SYNE2: variants seen among roughly 807,000 people sequenced by gnomAD.
SYNE2 encodes spectrin repeat containing nuclear envelope protein 2, also known as nesprin-2.
SYNE2 carries 431 observed loss-of-function variants against 856.3 expected under a neutral mutation model. The ratio of observed to expected loss-of-function variants is 0.50; its 90% CI spans 0.47 to 0.55. The LOEUF is 0.55. Ranked by LOEUF, SYNE2 falls within the 20% of genes least tolerant of loss-of-function variation. SYNE2 has a pLI of 0.00. For missense variants in SYNE2, 8,129 were observed against 8,023.2 expected (o/e 1.01, Z -0.50); for synonymous variants, 2,923 against 2,872.3 (o/e 1.02, Z -0.56).
At chr14:63,849,270 T>A (rs1307859879), upstream of SYNE2, among the ~76,000 whole-genome samples, 1 of 143,870 alleles carries the variant, frequency 7.0e-6, no homozygotes, top group Non-Finnish European at 1.5e-5. Context: ...ATCTCCTTTT[T>A]TTTTTTTTTT....
intron 78 of SYNE2, 72 bp downstream of exon 78, chr14:64,134,272 G>C: frequency 1.3e-6 from 2 of 1,523,878 alleles, no homozygotes; most frequent in Admixed American, 3.3e-5. Context: ...TTTTGACTAA[G>C]TGGCTTGATT....
chr14:63,908,864 T>C (rs1276846488), intron 1 of SYNE2, among the ~76,000 whole-genome samples: 7 of 152,230 alleles, frequency 4.6e-5, no homozygotes, highest in African/African-American at 1.4e-4. Flanking sequence ...CTAGTTCTTC[T>C]GGAGTTCTGA....
In SYNE2 at chr14:63,780,837, T is replaced by C. The variant is rs116692567; in HGVS notation, c.-305+18851T>C. ...GTTGTTCTAGAACAGGGAACACTTATCTGTAGTGAAAAAATCAGGACAGAG... is the reference window on the plus strand; with the variant it reads ...GTTGTTCTAGAACAGGGAACACTTACCTGTAGTGAAAAAATCAGGACAGAG... On this transcript the variant is annotated intron_variant, in intron 1 of 23. Coordinates refer to the SYNE2 transcript ENST00000674003. Among the ~76,000 whole-genome samples, 524 of 152,268 alleles carry C rather than the reference T, an allele frequency of 3.4e-3. 2 individuals are homozygous for C. Among genetic ancestry groups the C allele is most frequent in the African/African-American group, 0.012 (489 of 41,552 alleles).
Position 64,175,182 on chromosome 14 carries a change from G to A in SYNE2, c.17430+44G>A, listed in dbSNP as rs756753142. The A allele has an allele frequency of 5.6e-6, 9 of 1,604,192 alleles. No homozygotes were observed. The South Asian group carries it at 9.9e-5, about 18-fold the overall frequency. On this transcript the variant is annotated intron_variant, in intron 95 of 115. Coordinates refer to ENST00000555002, the MANE Select transcript of SYNE2 (RefSeq NM_182914.3). ...TTTCCATTCATGATATTCAAATTCA[G>A]TACATAGATTTTCATTTGTGGTGTG...
chr14:63,865,343 G>A (rs1285854891), intron 1 of SYNE2, among the ~76,000 whole-genome samples: 7 of 137,872 alleles, frequency 5.1e-5, no homozygotes, highest in Non-Finnish European at 1.1e-4. Context: ...TGAAGTACAA[G>A]CAAGGTGCTG....
At chr14:63,975,406 C>T (rs539605947) in intron 11 of SYNE2, among the ~76,000 whole-genome samples, 1 of 152,264 alleles carries the variant, frequency 6.6e-6, no homozygotes, top group Non-Finnish European at 1.5e-5. Flanking sequence ...GATCATGGCT[C>T]ACTGTAGCCT....
At chr14:63,939,815 GA>G (rs2095881276) in intron 2 of SYNE2, among the ~76,000 whole-genome samples, 1 of 152,264 alleles carries the variant, frequency 6.6e-6, no homozygotes, top group South Asian at 2.1e-4. Flanking sequence ...CCCCATAACA[GA>G]AACAGGATTT....
intron 96 of SYNE2, 143 bp downstream of exon 96, chr14:64,177,626 T>C: frequency 9.2e-7 from 1 of 1,086,712 alleles, no homozygotes; most frequent in Non-Finnish European, 1.4e-6. Flanking sequence ...TAACATAACA[T>C]GCTCGTCTCT....
chr14:64,177,377 A>T lies in SYNE2; in HGVS notation c.17450A>T (p.Lys5817Met), dbSNP rs761241884. ...AAATAGACCTGGGACCAGTGTGAAA[A>T]GAAAATCAAGGAGTTGAAAAGCAGG... ...STVETWDQCEKKIKELKSRLQ... is the reference protein window; with the variant it reads ...STVETWDQCEMKIKELKSRLQ... The change falls in exon 96 of 116, where the codon AAG (lysine) becomes ATG (methionine). Residue 5817 changes from lysine (K) to methionine (M), a missense_variant. Transcript: ENST00000555002. 5.6e-6 allele frequency: 9 copies of T among 1,614,238 alleles called. No individual in the cohort carries two copies. The East Asian group carries it at 2.0e-4, about 36-fold the overall frequency.
At chr14:64,078,651 C>A (rs781262304) in intron 55 of SYNE2, 45 bp downstream of exon 55, 1 of 1,606,458 alleles carries the variant, frequency 6.2e-7, no homozygotes, top group Non-Finnish European at 8.5e-7. Flanking sequence ...TACTTCTGAC[C>A]CACTCCTGCC....
intron 1 of SYNE2, among the ~76,000 whole-genome samples, chr14:63,826,284 A>AT (rs1889427533): frequency 6.6e-6 from 1 of 151,628 alleles, no homozygotes; most frequent in Admixed American, 6.6e-5. Context: ...ATGCCAAAAA[A>AT]ATCAGTAGAA....
chr14:64,207,257 A>G (rs1325069206), intron 100 of SYNE2, among the ~76,000 whole-genome samples: 1 of 152,218 alleles, frequency 6.6e-6, no homozygotes, highest in African/African-American at 2.4e-5. Context: ...AATGATCGGA[A>G]TTGTGTATTT....
intron 1 of SYNE2, among the ~76,000 whole-genome samples, chr14:63,808,977 C>T (rs1487146468): frequency 6.6e-6 from 1 of 151,904 alleles, no homozygotes; most frequent in Non-Finnish European, 1.5e-5. Context: ...GAGCTGAGAT[C>T]GCACCACTGC....
intron 85 of SYNE2, among the ~76,000 whole-genome samples, chr14:64,156,468 T>A (rs917996107): frequency 6.6e-6 from 1 of 152,044 alleles, no homozygotes; most frequent in African/African-American, 2.4e-5. Flanking sequence ...TCCTTTTTTT[T>A]TTTTGTGGAG....
intron 89 of SYNE2, among the ~76,000 whole-genome samples, chr14:64,164,092 T>G (rs1325571115): frequency 1.1e-5 from 1 of 91,358 alleles, no homozygotes; most frequent in African/African-American, 6.5e-5. Context: ...GCTTGCTTAT[T>G]TATTTATTTA....
chr14:63,821,678 G>T (rs1401464363), intron 1 of SYNE2, among the ~76,000 whole-genome samples: 1 of 151,312 alleles, frequency 6.6e-6, no homozygotes, highest in Non-Finnish European at 1.5e-5. Flanking sequence ...ACTTGAACCT[G>T]GGAGGCAGAG....
chr14:63,841,956 C>T (rs1890080789), intron 1 of SYNE2, among the ~76,000 whole-genome samples: 3 of 150,370 alleles, frequency 2.0e-5, no homozygotes, highest in Non-Finnish European at 4.4e-5. Flanking sequence ...CCTCAGCCTT[C>T]CGAGTAGCTG....
At chr14:63,953,789 C>G (rs1226240376) in intron 7 of SYNE2, among the ~76,000 whole-genome samples, 1 of 152,230 alleles carries the variant, frequency 6.6e-6, no homozygotes, top group East Asian at 1.9e-4. Flanking sequence ...CATTCTACTT[C>G]TCTATGAATT....
At chr14:63,945,205 A>C (rs1419197006) in intron 6 of SYNE2, among the ~76,000 whole-genome samples, 1 of 148,942 alleles carries the variant, frequency 6.7e-6, no homozygotes, top group Non-Finnish European at 1.5e-5. Flanking sequence ...TTAAGTATAG[A>C]GTTTGATGAA....
Sources: allele counts gnomAD v4.1 joint callset (sites outside exome capture counted in the v4.1 genomes callset), GRCh38; gene constraint gnomAD v4.1.1; transcripts MANE v1.5; gene names NCBI Gene and HGNC (gene_info 2026-07-23, HGNC 2026-07-21).